GNA13: variants seen among roughly 807,000 people sequenced by gnomAD.
The protein encoded by GNA13 is guanine nucleotide-binding protein subunit alpha-13.
GNA13 carries 4 observed loss-of-function variants against 33.5 expected under a neutral mutation model. That is an observed-to-expected ratio of 0.12 (90% CI 0.06 to 0.27). The LOEUF (loss-of-function observed/expected upper bound fraction) is 0.27, where lower values mean the gene tolerates loss of function less well. GNA13 is among the 10% of genes least tolerant of loss of function. GNA13 has a pLI of 1.00. For missense variants in GNA13, 319 were observed against 487.2 expected, an observed-to-expected ratio of 0.65 and a Z score of 3.25; for synonymous variants, 176 against 183.8, an observed-to-expected ratio of 0.96 and a Z score of 0.34.
At chr17:65,027,806 A>T (rs78546155) in intron 2 of GNA13, among the ~76,000 whole-genome samples, 1,744 of 152,284 alleles carry the variant, frequency 0.011, 38 homozygotes, top group African/African-American at 0.04. Flanking sequence ...CAAAACTTCT[A>T]TCAGTTAAGA....
intron 2 of GNA13, among the ~76,000 whole-genome samples, chr17:65,022,307 C>G (rs1360977424): frequency 6.6e-6 from 1 of 151,788 alleles, no homozygotes; most frequent in East Asian, 1.9e-4. Context: ...ACTCTCATGA[C>G]TCTGCACCAC....
chr17:65,013,403 G>A lies in GNA13; in HGVS notation c.*854C>T, dbSNP rs905108532. On this transcript the variant is annotated 3_prime_UTR_variant, in exon 4 of 4. Transcript: ENST00000439174. ...GTCAAATACATGACATTCTGGAACA[G>A]GTTAAGTTTATTTAGAAAGTTCTGT... 1 of 210,118 alleles carries A rather than the reference G, an allele frequency of 4.8e-6. No individual in the cohort carries two copies. Among genetic ancestry groups the A allele is most frequent in the Non-Finnish European group, 9.7e-6 (1 of 103,408 alleles). 13.0% of individuals were successfully genotyped at this position (210,118 alleles called of 1,614,324 possible).
chr17:65,024,399 TAAAC>T (rs1358236824), intron 2 of GNA13, among the ~76,000 whole-genome samples: 2 of 152,240 alleles, frequency 1.3e-5, no homozygotes, highest in Non-Finnish European at 2.9e-5. Flanking sequence ...TGAATCCCAA[TAAAC>T]AAAATGTTAT....
intron 2 of GNA13, among the ~76,000 whole-genome samples, chr17:65,049,854 G>A (rs1907800103): frequency 6.6e-6 from 1 of 152,094 alleles, no homozygotes; most frequent in South Asian, 2.1e-4. Context: ...CAGTCCATGG[G>A]GTCCATGGGC....
chr17:65,034,098 T>C (rs1233019361), intron 2 of GNA13, among the ~76,000 whole-genome samples: 1 of 151,714 alleles, frequency 6.6e-6, no homozygotes, highest in Non-Finnish European at 1.5e-5. Flanking sequence ...TGAAAATTTC[T>C]TTTTCAAACT....
At position 65,056,630 on chromosome 17, in the gene GNA13, G is replaced by T. The variant is rs751910207; in HGVS notation, c.-37C>A. On this transcript the variant is annotated 5_prime_UTR_variant, in exon 1 of 4. Coordinates refer to ENST00000439174, the MANE Select transcript of GNA13 (RefSeq NM_006572.6). Reference sequence around the variant, plus strand: ...CGCCGCCGCCTCGGCGGGCCCCTCCGGCTCCCTCCACCTCCTCCTCCGGCG... The same window carrying T: ...CGCCGCCGCCTCGGCGGGCCCCTCCTGCTCCCTCCACCTCCTCCTCCGGCG... 2.6e-5 allele frequency: 41 copies of T among 1,579,238 alleles called. No homozygotes were observed. Among genetic ancestry groups the T allele is most frequent in the Admixed American group, 1.2e-4 (7 of 59,108 alleles).
chr17:65,032,253 G>T (rs1348055340), intron 2 of GNA13, among the ~76,000 whole-genome samples: 1 of 152,100 alleles, frequency 6.6e-6, no homozygotes, highest in Non-Finnish European at 1.5e-5. Context: ...CTAGTAAAAA[G>T]ACAGAAGGTA....
intron 2 of GNA13, among the ~76,000 whole-genome samples, chr17:65,047,661 CT>C (rs34243706): frequency 0.086 from 12,631 of 147,240 alleles, 578 homozygotes; most frequent in Middle Eastern, 0.12. Context: ...GACTCTGATT[CT>C]TTTTTTTTTT....
intron 2 of GNA13, among the ~76,000 whole-genome samples, chr17:65,047,094 T>G (rs1180543808): frequency 6.6e-6 from 1 of 152,128 alleles, no homozygotes; most frequent in African/African-American, 2.4e-5. Flanking sequence ...AAAAAGAAAT[T>G]AATTAAAAAG....
intron 2 of GNA13, among the ~76,000 whole-genome samples, chr17:65,037,777 G>GAAAATAAAAAA (rs145051963): frequency 1.2e-5 from 1 of 82,042 alleles, no homozygotes. Context: ...CTACAAAAAT[G>GAAAATAAAAAA]GAAAAAAAAA....
At position 65,039,845 on chromosome 17, in the gene GNA13, G is replaced by C. The variant is rs528204089; in HGVS notation, c.510+13657C>G. Reference sequence around the variant, plus strand: ...CAAAAAGGTAACTGACTCATTAATAGGTGTTCAGTAACACGTGACTGCATG... The same window carrying C: ...CAAAAAGGTAACTGACTCATTAATACGTGTTCAGTAACACGTGACTGCATG... On this transcript the variant is annotated intron_variant, in intron 2 of 3. Transcript: ENST00000439174. Among the ~76,000 whole-genome samples the C allele has an allele frequency of 1.6e-3, 250 of 152,300 alleles. 7 individuals carry two copies. In the South Asian group the frequency reaches 0.05, roughly 31 times the overall value.
intron 2 of GNA13, among the ~76,000 whole-genome samples, chr17:65,024,137 C>T (rs1480126510): frequency 1.3e-5 from 2 of 152,118 alleles, no homozygotes; most frequent in Non-Finnish European, 2.9e-5. Context: ...CCTGTAGTCC[C>T]AACTACTAGG....
chr17:65,031,913 AGAGAGAGAGT>A (rs1276048013), intron 2 of GNA13, among the ~76,000 whole-genome samples: 8 of 134,406 alleles, frequency 6.0e-5, no homozygotes, highest in African/African-American at 2.5e-4. Context: ...AGAGAGAGAG[AGAGAGAGAGT>A]GTGTGTGTGT....
At position 65,012,844 on chromosome 17, in the gene GNA13, G is replaced by C. The variant is rs1472630488; in HGVS notation, c.*1413C>G. 4.6e-6 allele frequency: 1 copy of C among 218,954 alleles called. No individual in the cohort carries two copies. Among genetic ancestry groups the C allele is most frequent in the Non-Finnish European group, 9.2e-6 (1 of 109,024 alleles). 13.6% of individuals were successfully genotyped at this position (218,954 alleles called of 1,614,324 possible). On this transcript the variant is annotated 3_prime_UTR_variant, in exon 4 of 4. Coordinates refer to ENST00000439174, the MANE Select transcript of GNA13 (RefSeq NM_006572.6). ...TGTCAGACTTTTCAAGCTGTCGCCAGCCTTGGACTTCTGTTTCTCTAATTG... is the reference window on the plus strand; with the variant it reads ...TGTCAGACTTTTCAAGCTGTCGCCACCCTTGGACTTCTGTTTCTCTAATTG...
chr17:65,016,765 C>A (rs1444069001), intron 3 of GNA13, among the ~76,000 whole-genome samples: 3 of 152,228 alleles, frequency 2.0e-5, no homozygotes, highest in African/African-American at 7.2e-5. Context: ...TCCATGTTTT[C>A]TTCTAGCTTT....
In GNA13 at chr17:65,013,068, A is replaced by C. The variant is rs532890891; in HGVS notation, c.*1189T>G. ...CTACTGATCCTTAGAAGCATCCTTA[A>C]AACATTTAAAATATACCTCAAAAAA... is the stretch of plus-strand genomic sequence containing the variant. On this transcript the variant is annotated 3_prime_UTR_variant, in exon 4 of 4. Transcript: ENST00000439174. 1.8e-4 allele frequency: 38 copies of C among 209,620 alleles called. No homozygotes were observed. The highest frequency in any genetic ancestry group is 8.6e-4 in the African/African-American group (38 of 44,088). The allele number at this position is 209,620 out of a possible 1,614,324, so 13.0% of individuals were successfully genotyped here.
chr17:65,046,811 T>C (rs1907680844), intron 2 of GNA13, among the ~76,000 whole-genome samples: 1 of 152,232 alleles, frequency 6.6e-6, no homozygotes, highest in East Asian at 1.9e-4. Context: ...TTAATAAACA[T>C]TTTCAGAGAA....
chr17:65,022,914 T>C (rs1264052356), intron 2 of GNA13, among the ~76,000 whole-genome samples: 2 of 152,202 alleles, frequency 1.3e-5, no homozygotes, highest in Non-Finnish European at 2.9e-5. Flanking sequence ...GGAACAACCA[T>C]CAACTGTCAA....
chr17:65,009,742 CAAGT>C lies in GNA13; in HGVS notation c.*4511_*4514del, dbSNP rs534582229. Among the ~76,000 whole-genome samples, 364 of 152,318 alleles carry C rather than the reference CAAGT, an allele frequency of 2.4e-3. 1 individual carries two copies. Among genetic ancestry groups the C allele is most frequent in the African/African-American group, 8.4e-3 (348 of 41,572 alleles). Reference sequence around the variant, plus strand: ...TTCAAACGTTTTGCGATTCTGCCTTCAAGTAAGAGGTAAAAGGTAAATGGCATAG... The same window carrying C: ...TTCAAACGTTTTGCGATTCTGCCTTCAAGAGGTAAAAGGTAAATGGCATAG... On this transcript the variant is annotated 3_prime_UTR_variant, in exon 4 of 4. Coordinates refer to ENST00000439174, the MANE Select transcript of GNA13 (RefSeq NM_006572.6).
Sources: allele counts gnomAD v4.1 joint callset (sites outside exome capture counted in the v4.1 genomes callset), GRCh38; gene constraint gnomAD v4.1.1; transcripts MANE v1.5; gene names NCBI Gene and HGNC (gene_info 2026-07-23, HGNC 2026-07-21).